ZFYVE28: variants seen among roughly 807,000 people sequenced by gnomAD.
The protein encoded by ZFYVE28 is lateral signaling target protein 2 homolog.
A neutral mutation model predicts 82.1 loss-of-function variants in ZFYVE28; 40 were observed. That is an observed-to-expected ratio of 0.49 (90% CI 0.38 to 0.63). The LOEUF (loss-of-function observed/expected upper bound fraction) is 0.63. Among genes scored for constraint, ZFYVE28 ranks in the 30% least tolerant of loss-of-function variants. The pLI, the probability that ZFYVE28 is intolerant of heterozygous loss-of-function variation, is 0.00. For synonymous variants in ZFYVE28, 612 were observed against 546.1 expected (o/e 1.12, Z -1.68); for missense variants, 1,321 against 1,242.1 (o/e 1.06, Z -0.96).
chr4:2,374,913 A>G (rs59258009), intron 1 of ZFYVE28, among the ~76,000 whole-genome samples: 3,217 of 152,294 alleles, frequency 0.021, 121 homozygotes, highest in African/African-American at 0.073. Context: ...GCAGCATGTG[A>G]TGACCATGTC....
Position 2,304,218 on chromosome 4 carries a change from G to A in ZFYVE28, c.2051+71C>T, listed in dbSNP as rs946601585. ...TCAGGTAGAAACACTGCAATGCTTG[G>A]AGAATGCGCCAGCACCTGCCCCCCA... On this transcript the variant is annotated intron_variant, in intron 8 of 12. Coordinates refer to ENST00000290974, the MANE Select transcript of ZFYVE28 (RefSeq NM_020972.3). 3 of 1,492,094 alleles carry A rather than the reference G, an allele frequency of 2.0e-6. No homozygotes were observed. The African/African-American group carries it at 4.2e-5, about 21-fold the overall frequency. 92.4% of individuals were successfully genotyped at this position (1,492,094 alleles called of 1,614,324 possible). A position where few individuals can be genotyped will look rare whatever the true frequency, so the allele number is the denominator to read the frequency against.
At chr4:2,275,922 G>A (rs1291905777) in intron 8 of ZFYVE28, among the ~76,000 whole-genome samples, 2 of 152,220 alleles carry the variant, frequency 1.3e-5, no homozygotes, top group Non-Finnish European at 2.9e-5. Context: ...AAGACCCACC[G>A]TGATCTAATC....
intron 7 of ZFYVE28, among the ~76,000 whole-genome samples, chr4:2,319,470 G>C (rs936405973): frequency 7.2e-5 from 11 of 152,186 alleles, no homozygotes; most frequent in African/African-American, 2.7e-4. Context: ...CCCTCATGGG[G>C]CAGAGTTCTA....
intron 1 of ZFYVE28, among the ~76,000 whole-genome samples, chr4:2,355,916 G>T (rs1055176533): frequency 2.0e-5 from 3 of 152,208 alleles, no homozygotes; most frequent in African/African-American, 7.2e-5. Context: ...TATAATCACA[G>T]AGAGAAAGAC....
chr4:2,296,764 C>T (rs1714636937), intron 8 of ZFYVE28, among the ~76,000 whole-genome samples: 1 of 152,190 alleles, frequency 6.6e-6, no homozygotes, highest in African/African-American at 2.4e-5. Context: ...GGCACTGGAG[C>T]AAGGCCGGGC....
chr4:2,300,953 C>T lies in ZFYVE28; in HGVS notation c.2051+3336G>A, dbSNP rs184403562. Among the ~76,000 whole-genome samples the T allele has an allele frequency of 9.3e-4, 142 of 152,280 alleles. 1 individual carries two copies. The East Asian group carries it at 0.026, about 28-fold the overall frequency. On this transcript the variant is annotated intron_variant, in intron 8 of 12. Transcript: ENST00000290974. This position sits in a 1 kb window ranked among gnomAD's most constrained non-coding sequence, Gnocchi z 4.6. ...TACCACCCTCTCCGTCTCAGTCTCT[C>T]CCACTGCAGAATGGGAGGCGTAACC... is the stretch of plus-strand genomic sequence containing the variant.
In ZFYVE28 at chr4:2,270,808, C is replaced by T. The variant is rs754212912; in HGVS notation, c.2581G>A (p.Gly861Arg). 1.9e-5 allele frequency: 30 copies of T among 1,612,930 alleles called. No individual in the cohort carries two copies. The South Asian group carries it at 1.9e-4, about 10-fold the overall frequency. Residue 861 changes from glycine (G) to arginine (R), a missense_variant, in exon 13 of 13, where the codon GGG (glycine) becomes AGG (arginine). Gly to Arg is a moderately radical substitution (Grantham distance 125). Around this residue, in one of 2 missense-constraint regions of ZFYVE28, gnomAD observed 978 missense variants for 833.7 expected, o/e 1.17. Transcript: ENST00000290974. ...SSHSAPLPRYGQVKPVRVCTH... is the reference protein window; with the variant it reads ...SSHSAPLPRYRQVKPVRVCTH... Reference sequence around the variant, plus strand: ...CACACTCGGACCGGCTTCACCTGCCCGTAGCGGGGCAGCGGTGCTGAGTGC... The same window carrying T: ...CACACTCGGACCGGCTTCACCTGCCTGTAGCGGGGCAGCGGTGCTGAGTGC...
chr4:2,305,252 G>C lies in ZFYVE28; in HGVS notation c.1088C>G (p.Pro363Arg). Residue 363 changes from proline (P) to arginine (R), a missense_variant, in exon 8 of 13, where the codon CCC becomes CGC. Pro to Arg is a moderately radical substitution (Grantham distance 103). This residue lies in a region of ZFYVE28 where 978 missense variants were observed against 833.7 expected (regional missense o/e 1.17). Coordinates refer to ENST00000290974, the MANE Select transcript of ZFYVE28 (RefSeq NM_020972.3). Reference sequence around the variant, plus strand: ...GTGAGCTGGGGACTGGCAGGCAATGGGCGGTGAAAGCAAAGAGGACATCTC... The same window carrying C: ...GTGAGCTGGGGACTGGCAGGCAATGCGCGGTGAAAGCAAAGAGGACATCTC... The part of the protein sequence containing the change: ...GDEMSSLLSP[P>R]IACQSPAHRP... 6.2e-7 allele frequency: 1 copy of C among 1,612,630 alleles called. No individual in the cohort carries two copies. Among genetic ancestry groups the C allele is most frequent in the Non-Finnish European group, 8.5e-7 (1 of 1,179,748 alleles).
chr4:2,348,724 A>G (rs965479739), intron 2 of ZFYVE28, among the ~76,000 whole-genome samples: 3 of 152,186 alleles, frequency 2.0e-5, no homozygotes, highest in Non-Finnish European at 2.9e-5. Context: ...AGCTTTCACA[A>G]GGACTGTGAA....
chr4:2,319,955 C>T (rs1358581412), intron 7 of ZFYVE28, among the ~76,000 whole-genome samples: 1 of 152,198 alleles, frequency 6.6e-6, no homozygotes, highest in African/African-American at 2.4e-5. Context: ...CCCAAGAGAG[C>T]GCCCACCCCA....
intron 8 of ZFYVE28, among the ~76,000 whole-genome samples, chr4:2,281,830 G>A (rs537790628): frequency 6.6e-6 from 1 of 152,180 alleles, no homozygotes; most frequent in Non-Finnish European, 1.5e-5. Context: ...GAGGACCTCA[G>A]GGGTAGATCA....
At chr4:2,273,350 C>A in intron 9 of ZFYVE28, 61 bp from the exon 10 acceptor site, 1 of 1,473,982 alleles carries the variant, frequency 6.8e-7, no homozygotes, top group South Asian at 1.2e-5. Flanking sequence ...CTGCGGAGGT[C>A]GGTGCTGCGG....
chr4:2,287,140 A>T (rs1712872890), intron 8 of ZFYVE28: 1 of 152,222 alleles, frequency 6.6e-6, no homozygotes, highest in Non-Finnish European at 1.5e-5. Flanking sequence ...CCCTCATCTC[A>T]GATGCCTGCC....
chr4:2,305,630 A>C, intron 7 of ZFYVE28, 94 bp from the exon 8 acceptor site: 1 of 1,457,452 alleles, frequency 6.9e-7, no homozygotes, highest in Non-Finnish European at 9.4e-7. Flanking sequence ...AGTCTGCACC[A>C]GCAGAACAAC....
In ZFYVE28 at chr4:2,274,037, C is replaced by T. The variant is rs1435315410; in HGVS notation, c.2206+25G>A. 3 of 1,611,910 alleles carry T rather than the reference C, an allele frequency of 1.9e-6. No individual in the cohort carries two copies. The East Asian group carries it at 6.7e-5, about 36-fold the overall frequency. ...AGCCCGTGTGTCCTCAAGCCATGCA[C>T]CGGTCTCAGGCCCTGACATGACACC... On this transcript the variant is annotated intron_variant, in intron 9 of 12. Transcript: ENST00000290974.
In ZFYVE28 at chr4:2,332,817, G is replaced by A. The variant is rs974650439; in HGVS notation, c.701+2888C>T. Among the ~76,000 whole-genome samples the A allele has an allele frequency of 2.6e-5, 4 of 152,090 alleles. No individual in the cohort carries two copies. The highest frequency in any genetic ancestry group is 5.9e-5 in the Non-Finnish European group (4 of 67,990). On this transcript the variant is annotated intron_variant, in intron 6 of 12. Transcript: ENST00000290974. This position sits in a 1 kb window ranked among gnomAD's most constrained non-coding sequence, Gnocchi z 4.7. ...GCACTCACCCGCTCAGCACTCACCC[G>A]CCCTGCTCGAGGCTCGCTGCACAGA...
intron 9 of ZFYVE28, 73 bp from the exon 10 acceptor site, chr4:2,273,362 C>G: frequency 7.4e-7 from 1 of 1,350,632 alleles, no homozygotes; most frequent in Non-Finnish European, 1.0e-6. Context: ...GTGCTGCGGG[C>G]TGGGCAGACC....
chr4:2,363,511 T>C lies in ZFYVE28; in HGVS notation c.40-9438A>G, dbSNP rs553453550. On this transcript the variant is annotated intron_variant, in intron 1 of 12. Transcript: ENST00000290974. ...CTGAGGGCTCTAACCTGCGGCTGCT[T>C]GCAGGGCCCTTTAGCCCTGGTGCAA... 1.3e-4 allele frequency among the ~76,000 whole-genome samples: 20 copies of C among 152,196 alleles called. No individual in the cohort carries two copies. The South Asian group carries it at 2.7e-3, about 21-fold the overall frequency.
chr4:2,410,514 GA>G (rs1411963214), intron 1 of ZFYVE28, among the ~76,000 whole-genome samples: 27 of 75,834 alleles, frequency 3.6e-4, no homozygotes, highest in African/African-American at 1.3e-3. Context: ...TTATTTTTTT[GA>G]GATAGAGTCT....
Sources: allele counts gnomAD v4.1 joint callset (sites outside exome capture counted in the v4.1 genomes callset), GRCh38; gene constraint gnomAD v4.1.1; regional missense constraint gnomAD v4.1.1; non-coding constraint Gnocchi (gnomAD v3.1); transcripts MANE v1.5; gene names NCBI Gene and HGNC (gene_info 2026-07-23, HGNC 2026-07-21).